The following CUTC variants were observed in gnomAD, a reference collection of about 807,000 sequenced individuals.
CUTC encodes the protein cutC copper transporter, also known as copper homeostasis protein cutC homolog.
In CUTC, 27 loss-of-function variants were observed where a neutral mutation model predicts 36.2. That is an observed-to-expected ratio of 0.75 (90% confidence interval 0.55 to 1.03). CUTC has a LOEUF of 1.03. Ranked by LOEUF, CUTC falls within the 50% of genes least tolerant of loss-of-function variation. The probability of loss-of-function intolerance (pLI) is 0.00; values close to 1 mark genes in which losing one functional copy is unlikely to be tolerated. For synonymous variants in CUTC, 114 were observed against 118.3 expected (o/e 0.96, Z 0.24); for missense variants, 315 against 343.5 (o/e 0.92, Z 0.66).
chr10:99,741,436 C>T (rs1290328426), intron 3 of CUTC, among the ~76,000 whole-genome samples: 4 of 152,192 alleles, frequency 2.6e-5, no homozygotes, highest in South Asian at 2.1e-4. Context: ...ATGCATGCAC[C>T]GGTCAGTACT....
rs11595470 is a variant in CUTC, at chr10:99,732,455, G to C, written c.61+46G>C. ...GGGGACGGTCGGCCGAAGGCTCCCC[G>C]GGGCGGGCCGGCGGGAGTCGTAGTC... On this transcript the variant is annotated intron_variant, in intron 1 of 8. Transcript: ENST00000370476. 2.1e-3 allele frequency: 3,311 copies of C among 1,547,868 alleles called. 4 individuals are homozygous for C. The highest frequency in any genetic ancestry group is 2.7e-3 in the Non-Finnish European group (3,078 of 1,146,426).
intron 8 of CUTC, 108 bp from the exon 9 acceptor site, chr10:99,755,517 G>C: frequency 1.5e-6 from 1 of 680,718 alleles, no homozygotes; most frequent in Non-Finnish European, 2.6e-6. Context: ...TACTAGTCCA[G>C]CATACTTGAC....
chr10:99,752,899 A>G (rs1175633722), intron 7 of CUTC, among the ~76,000 whole-genome samples: 1 of 152,222 alleles, frequency 6.6e-6, no homozygotes, highest in African/African-American at 2.4e-5. Flanking sequence ...AATGTATTAC[A>G]ATTTCATATG....
intron 3 of CUTC, among the ~76,000 whole-genome samples, chr10:99,742,647 A>T (rs1272509314): frequency 6.6e-6 from 1 of 152,038 alleles, no homozygotes; most frequent in African/African-American, 2.4e-5. Flanking sequence ...ACTTTTATGC[A>T]TAGATCTCTG....
chr10:99,751,714 C>T (rs966471763), intron 7 of CUTC, among the ~76,000 whole-genome samples: 6 of 151,982 alleles, frequency 3.9e-5, no homozygotes, highest in African/African-American at 7.3e-5. Context: ...AAAAATTAGC[C>T]GGCCATGGTG....
intron 2 of CUTC, 62 bp from the exon 3 acceptor site, chr10:99,739,648 G>A (rs948554667): frequency 1.3e-5 from 18 of 1,403,204 alleles, no homozygotes; most frequent in Non-Finnish European, 1.7e-5. Context: ...TATATAAACA[G>A]GTTGCTGTTT....
chr10:99,732,457 G>A lies in CUTC; in HGVS notation c.61+48G>A, dbSNP rs749649860. 7 of 1,547,670 alleles carry A rather than the reference G, an allele frequency of 4.5e-6. No individual in the cohort carries two copies. The African/African-American group carries it at 5.5e-5, about 12-fold the overall frequency. ...GGACGGTCGGCCGAAGGCTCCCCGG[G>A]GCGGGCCGGCGGGAGTCGTAGTCAG... On this transcript the variant is annotated intron_variant, in intron 1 of 8. Transcript: ENST00000370476.
intron 1 of CUTC, among the ~76,000 whole-genome samples, chr10:99,735,534 A>G (rs1035096840): frequency 6.6e-6 from 1 of 152,154 alleles, no homozygotes; most frequent in African/African-American, 2.4e-5. Flanking sequence ...CAGCCTCCCA[A>G]GTAGCTGGGA....
At chr10:99,752,487 C>T (rs1485930142) in intron 7 of CUTC, among the ~76,000 whole-genome samples, 1 of 152,032 alleles carries the variant, frequency 6.6e-6, no homozygotes, top group Non-Finnish European at 1.5e-5. Context: ...TATATATTAT[C>T]TGTCAAATTG....
chr10:99,735,655 A>C (rs1028576572), intron 1 of CUTC, among the ~76,000 whole-genome samples: 2 of 152,020 alleles, frequency 1.3e-5, no homozygotes, highest in Non-Finnish European at 2.9e-5. Context: ...TGATCCACCC[A>C]CCTCGGCCTC....
intron 6 of CUTC, among the ~76,000 whole-genome samples, chr10:99,748,465 A>T (rs776640801): frequency 2.4e-4 from 36 of 152,232 alleles, no homozygotes; most frequent in Non-Finnish European, 4.8e-4. Context: ...TTTCACAGAC[A>T]TTTATTAAAT....
intron 7 of CUTC, among the ~76,000 whole-genome samples, chr10:99,751,793 G>C (rs2037420940): frequency 6.6e-6 from 1 of 152,226 alleles, no homozygotes; most frequent in Admixed American, 6.5e-5. Context: ...AGGAGGCGGA[G>C]GTTGCAGTGT....
chr10:99,733,545 C>T (rs1356527263), intron 1 of CUTC, among the ~76,000 whole-genome samples: 2 of 150,732 alleles, frequency 1.3e-5, no homozygotes, highest in Non-Finnish European at 3.0e-5. Flanking sequence ...GTCAAGTAGC[C>T]TCTTGAAAAC....
At chr10:99,737,161 T>A (rs1423845167) in intron 2 of CUTC, among the ~76,000 whole-genome samples, 1 of 151,774 alleles carries the variant, frequency 6.6e-6, no homozygotes, top group Non-Finnish European at 1.5e-5. Flanking sequence ...TCCCAGCTAC[T>A]TGGGAGGCTA....
chr10:99,740,612 T>C (rs2037334546), intron 3 of CUTC, among the ~76,000 whole-genome samples: 4 of 152,132 alleles, frequency 2.6e-5, no homozygotes, highest in Admixed American at 2.6e-4. Context: ...CTGAGTATAG[T>C]TTTTTCATGT....
intron 6 of CUTC, among the ~76,000 whole-genome samples, chr10:99,748,280 G>A (rs947136025): frequency 6.6e-6 from 1 of 152,158 alleles, no homozygotes; most frequent in Admixed American, 6.5e-5. Flanking sequence ...TAGCACAGTG[G>A]TTGGCATATA....
intron 1 of CUTC, among the ~76,000 whole-genome samples, chr10:99,732,964 G>A (rs1177195139): frequency 6.6e-6 from 1 of 152,222 alleles, no homozygotes; most frequent in Non-Finnish European, 1.5e-5. Context: ...TCCGTGAAGA[G>A]GAACCTTCCT....
Position 99,752,384 on chromosome 10 carries a change from G to GAA in CUTC, c.601+2000_601+2001dup, listed in dbSNP as rs1249509637. On this transcript the variant is annotated intron_variant, in intron 7 of 8. Transcript: ENST00000370476. ...AACAGAGTGAGACCCTGTGTCAAAAGAAAAAAAAAAAAAGGCCATATAAGG... is the reference window on the plus strand; with the variant it reads ...AACAGAGTGAGACCCTGTGTCAAAAGAAAAAAAAAAAAAAAGGCCATATAAGG... Among the ~76,000 whole-genome samples, 4 of 97,938 alleles carry GAA rather than the reference G, an allele frequency of 4.1e-5. No individual in the cohort carries two copies. In the South Asian group the frequency reaches 1.4e-3, roughly 33 times the overall value. 64.3% of individuals were successfully genotyped at this position (97,938 alleles called of 152,430 possible). A position where few individuals can be genotyped will look rare whatever the true frequency, so the allele number is the denominator to read the frequency against.
At chr10:99,755,536 G>A in intron 8 of CUTC, 89 bp from the exon 9 acceptor site, 1 of 779,470 alleles carries the variant, frequency 1.3e-6, no homozygotes, top group East Asian at 2.6e-5. Context: ...ACCTACCCTT[G>A]TATCATGAAA....
Sources: gnomAD v4.1 joint callset for allele counts (sites outside exome capture counted in the v4.1 genomes callset) on GRCh38, gnomAD v4.1.1 for gene constraint, MANE v1.5 for transcripts, NCBI Gene and HGNC (gene_info 2026-07-23, HGNC 2026-07-21) for gene names.